Variants in LY86 observed in about 807,000 individuals in gnomAD.
The protein encoded by LY86 is MD-1, RP105-associated.
LY86 carries 20 observed loss-of-function variants against 17.3 expected under a neutral mutation model. The observed-to-expected ratio is 1.15, with a 90% confidence interval of 0.81 to 1.68. LY86 has a LOEUF of 1.68. LY86 is among the 40% of genes most tolerant of loss of function. LY86 has a pLI of 0.00. For synonymous variants in LY86, 74 were observed against 70.6 expected, an observed-to-expected ratio of 1.05 and a Z score of -0.24; for missense variants, 200 against 191.9, an observed-to-expected ratio of 1.04 and a Z score of -0.25.
At chr6:6,621,040 A>G (rs993254724) in intron 1 of LY86, 7 of 152,200 alleles carry the variant, frequency 4.6e-5, no homozygotes, top group Non-Finnish European at 5.9e-5. Context: ...ACCCACTATA[A>G]TGCTGTCCTC....
intron 3 of LY86, among the ~76,000 whole-genome samples, chr6:6,644,793 C>T (rs1053586352): frequency 1.3e-5 from 2 of 152,028 alleles, no homozygotes; most frequent in African/African-American, 4.8e-5. Context: ...TACTGGGGCT[C>T]TTTTTATAGT....
intron 1 of LY86, among the ~76,000 whole-genome samples, chr6:6,617,312 C>A (rs1761576904): frequency 6.6e-6 from 1 of 152,078 alleles, no homozygotes; most frequent in Non-Finnish European, 1.5e-5. Flanking sequence ...AGTTAAGAAA[C>A]ATATTGTAAG....
At chr6:6,650,369 C>G in intron 4 of LY86, among the ~76,000 whole-genome samples, 1 of 136,800 alleles carries the variant, frequency 7.3e-6, no homozygotes, top group East Asian at 2.2e-4. Context: ...GAGTCTTGTT[C>G]TGCCTCCCAG....
intron 1 of LY86, among the ~76,000 whole-genome samples, chr6:6,590,937 C>T (rs541706029): frequency 2.0e-5 from 3 of 151,836 alleles, no homozygotes; most frequent in Admixed American, 2.0e-4. Flanking sequence ...CACACACACA[C>T]AAAAATTAAA....
chr6:6,647,104 C>T (rs1762117657), intron 3 of LY86, among the ~76,000 whole-genome samples: 3 of 152,206 alleles, frequency 2.0e-5, no homozygotes, highest in Admixed American at 2.0e-4. Context: ...GTCAGGAGCC[C>T]CACTATTGGT....
intron 1 of LY86, among the ~76,000 whole-genome samples, chr6:6,607,156 C>T (rs1367198036): frequency 6.6e-6 from 1 of 152,244 alleles, no homozygotes; most frequent in Admixed American, 6.5e-5. Flanking sequence ...AAAGCATTCT[C>T]ATGTCCTTGA....
chr6:6,638,702 C>T (rs9405955), intron 3 of LY86, among the ~76,000 whole-genome samples: 5,109 of 151,976 alleles, frequency 0.034, 256 homozygotes, highest in African/African-American at 0.11. Context: ...TACATGTGCA[C>T]AATGTGCAGG....
chr6:6,616,962 T>A (rs1761570548), intron 1 of LY86, among the ~76,000 whole-genome samples: 1 of 152,244 alleles, frequency 6.6e-6, no homozygotes, highest in African/African-American at 2.4e-5. Context: ...CCGCTGTCCC[T>A]AAGCCAGGCT....
At chr6:6,596,659 TAAAG>T (rs1394985929) in intron 1 of LY86, among the ~76,000 whole-genome samples, 4 of 152,070 alleles carry the variant, frequency 2.6e-5, no homozygotes, top group Non-Finnish European at 4.4e-5. Flanking sequence ...AGGAAGTTGA[TAAAG>T]AAACACAAGA....
intron 3 of LY86, among the ~76,000 whole-genome samples, chr6:6,648,079 T>C (rs55883752): frequency 0.2 from 30,356 of 151,348 alleles, 3,179 homozygotes; most frequent in South Asian, 0.29. Context: ...CAAACCAAAA[T>C]CTTCCTGGCC....
At chr6:6,652,501 C>T (rs1255253729) in intron 4 of LY86, among the ~76,000 whole-genome samples, 1 of 152,186 alleles carries the variant, frequency 6.6e-6, no homozygotes, top group African/African-American at 2.4e-5. Context: ...CTCATCCAAC[C>T]CCTTGGCCCG....
chr6:6,607,066 C>T (rs1250122237), intron 1 of LY86, among the ~76,000 whole-genome samples: 1 of 152,214 alleles, frequency 6.6e-6, no homozygotes, highest in Non-Finnish European at 1.5e-5. Flanking sequence ...GAGGGGGTCC[C>T]TGGGGCCATG....
rs971829500 is a variant in LY86 at position 6,610,690 on chromosome 6, T to C, written c.137-14236T>C. On this transcript the variant is annotated intron_variant, in intron 1 of 4. Coordinates refer to ENST00000230568, the MANE Select transcript of LY86 (RefSeq NM_004271.4). ...GCGAGGGAGGGCTGGGGTTTTGTTT[T>C]GTGGGGTGTGTGTGTGCATTCTCAT... Among the ~76,000 whole-genome samples, 37 of 152,066 alleles carry C rather than the reference T, an allele frequency of 2.4e-4. 1 individual carries two copies. The highest frequency in any genetic ancestry group is 8.0e-4 in the African/African-American group (33 of 41,330).
chr6:6,613,634 A>C (rs1035834294), intron 1 of LY86, among the ~76,000 whole-genome samples: 6 of 152,116 alleles, frequency 3.9e-5, no homozygotes. Flanking sequence ...TTCCCCCTTC[A>C]TATCTCCCCG....
At chr6:6,611,055 C>T (rs1420604331) in intron 1 of LY86, among the ~76,000 whole-genome samples, 2 of 152,252 alleles carry the variant, frequency 1.3e-5, no homozygotes, top group African/African-American at 2.4e-5. Flanking sequence ...ATTCTAGGAC[C>T]GTTAAGATCT....
At chr6:6,593,003 A>T (rs920100310) in intron 1 of LY86, among the ~76,000 whole-genome samples, 11 of 152,074 alleles carry the variant, frequency 7.2e-5, no homozygotes, top group Non-Finnish European at 1.5e-5. Flanking sequence ...CTTGGGCAAC[A>T]CTCTAGATCT....
chr6:6,643,931 G>C (rs1762074723), intron 3 of LY86, among the ~76,000 whole-genome samples: 1 of 152,242 alleles, frequency 6.6e-6, no homozygotes, highest in African/African-American at 2.4e-5. Context: ...CAGCAGGTGG[G>C]AAAGGGACTC....
intron 3 of LY86, among the ~76,000 whole-genome samples, chr6:6,646,083 C>A (rs1195284901): frequency 2.0e-5 from 3 of 152,042 alleles, no homozygotes; most frequent in African/African-American, 7.2e-5. Context: ...GTTAGGGGCA[C>A]CATTAGCATA....
intron 2 of LY86, among the ~76,000 whole-genome samples, chr6:6,625,953 G>A (rs767458463): frequency 6.6e-6 from 1 of 152,154 alleles, no homozygotes; most frequent in Non-Finnish European, 1.5e-5. Context: ...CCATCATGGG[G>A]AACAAATGAT....
Sources: gnomAD v4.1 joint callset for allele counts (sites outside exome capture counted in the v4.1 genomes callset) on GRCh38, gnomAD v4.1.1 for gene constraint, MANE v1.5 for transcripts, NCBI Gene and HGNC (gene_info 2026-07-23, HGNC 2026-07-21) for gene names.